Variants in CLASP1 observed in about 807,000 individuals in gnomAD.
CLASP1 encodes the protein cytoplasmic linker associated protein 1.
A neutral mutation model predicts 192.3 loss-of-function variants in CLASP1; 38 were observed. That is an observed-to-expected ratio of 0.20 (90% CI 0.15 to 0.26). The LOEUF is 0.26. Among genes scored for constraint, CLASP1 ranks in the 10% least tolerant of loss-of-function variants. CLASP1 has a pLI of 1.00. For missense variants in CLASP1, 1,433 were observed against 1,932.5 expected (o/e 0.74, Z 4.85); for synonymous variants, 691 against 712.8 (o/e 0.97, Z 0.49).
At chr2:121,597,559 A>G (rs1008895071) in intron 2 of CLASP1, among the ~76,000 whole-genome samples, 13 of 152,204 alleles carry the variant, frequency 8.5e-5, no homozygotes, top group African/African-American at 3.1e-4. Context: ...TTGTAGTGAA[A>G]CATAGCCTAG....
At chr2:121,495,426 T>G (rs2093489562) in intron 8 of CLASP1, among the ~76,000 whole-genome samples, 1 of 152,134 alleles carries the variant, frequency 6.6e-6, no homozygotes, top group East Asian at 1.9e-4. Context: ...TTTGGGAGGC[T>G]GAGGCGGGCA....
At chr2:121,430,972 A>T (rs2149650445) in intron 19 of CLASP1, among the ~76,000 whole-genome samples, 1 of 146,172 alleles carries the variant, frequency 6.8e-6, no homozygotes, top group African/African-American at 2.6e-5. Flanking sequence ...TAGCGATTAA[A>T]CTTTAAAAAA....
chr2:121,528,654 C>G, intron 4 of CLASP1, 23 bp downstream of exon 4: 1 of 1,609,560 alleles, frequency 6.2e-7, no homozygotes, highest in Non-Finnish European at 8.5e-7. Context: ...CAGCTGACCT[C>G]AAAACACATC....
At chr2:121,531,143 T>C (rs1224797964) in intron 2 of CLASP1, 5 of 616,882 alleles carry the variant, frequency 8.1e-6, no homozygotes, top group Admixed American at 2.5e-5. Context: ...TTTCAGTTTT[T>C]GCGGTGATTA....
At chr2:121,345,468 T>G (rs1160167398) in intron 39 of CLASP1, among the ~76,000 whole-genome samples, 1 of 152,220 alleles carries the variant, frequency 6.6e-6, no homozygotes, top group African/African-American at 2.4e-5. Context: ...CTCATGTTCT[T>G]TTTGGATGAA....
chr2:121,461,094 A>G lies in CLASP1; in HGVS notation c.1032+7T>C, dbSNP rs750256176. 6 of 1,547,768 alleles carry G rather than the reference A, an allele frequency of 3.9e-6. No homozygotes were observed. Among genetic ancestry groups the G allele is most frequent in the South Asian group, 3.5e-5 (3 of 84,734 alleles). On this transcript the variant is annotated splice_region_variant and intron_variant, in intron 11 of 39. Transcript: ENST00000263710. ...GAAAATGTAATCACATGAAGTCAAC[A>G]GCTTACAGCATTTACTCTCTGCTCC... is the stretch of plus-strand genomic sequence containing the variant.
intron 1 of CLASP1, among the ~76,000 whole-genome samples, chr2:121,620,079 G>C (rs551970154): frequency 6.6e-6 from 1 of 151,814 alleles, no homozygotes. Context: ...AAAAGTAGCC[G>C]GGAGTGGTGG....
intron 2 of CLASP1, among the ~76,000 whole-genome samples, chr2:121,582,935 GCCA>G (rs975934281): frequency 6.6e-6 from 1 of 151,920 alleles, no homozygotes; most frequent in African/African-American, 2.4e-5. Context: ...ACAGGTGCCT[GCCA>G]CCACACCTGG....
At chr2:121,407,945 G>C (rs1420963180) in intron 24 of CLASP1, 1 of 635,816 alleles carries the variant, frequency 1.6e-6, no homozygotes, top group Non-Finnish European at 2.9e-6. Flanking sequence ...ATGGCCTCTA[G>C]TAAAGTGCGT....
intron 19 of CLASP1, among the ~76,000 whole-genome samples, chr2:121,431,485 G>A (rs1464278755): frequency 6.6e-6 from 1 of 152,104 alleles, no homozygotes; most frequent in Non-Finnish European, 1.5e-5. Context: ...AAGCCTATGA[G>A]TGATGACCTC....
chr2:121,530,249 G>C, exon 3 of CLASP1: 1 of 1,551,314 alleles, frequency 6.4e-7, no homozygotes. Context: ...CAGCTCACCT[G>C]TGCCGATCTG....
exon 40 of CLASP1, chr2:121,340,412 G>C (rs1381489640): frequency 1.3e-5 from 2 of 156,938 alleles, no homozygotes; most frequent in Non-Finnish European, 2.8e-5. Context: ...CTGTGAAAGG[G>C]GCCCCACACA....
chr2:121,511,818 T>C (rs921144084), intron 7 of CLASP1, among the ~76,000 whole-genome samples: 1 of 152,188 alleles, frequency 6.6e-6, no homozygotes, highest in Non-Finnish European at 1.5e-5. Context: ...CTTATAAATC[T>C]AGTTGAATCT....
chr2:121,505,540 CT>C (rs1414904014), intron 7 of CLASP1, among the ~76,000 whole-genome samples: 1 of 152,226 alleles, frequency 6.6e-6, no homozygotes, highest in Non-Finnish European at 1.5e-5. Flanking sequence ...AATGAAAGGA[CT>C]GGTTTTTGTT....
At chr2:121,552,781 G>A (rs989044261) in intron 2 of CLASP1, among the ~76,000 whole-genome samples, 6 of 152,206 alleles carry the variant, frequency 3.9e-5, no homozygotes, top group African/African-American at 1.4e-4. Context: ...GAGCAGTCTG[G>A]CAATTCCTCA....
chr2:121,351,594 T>C (rs1412862083), intron 37 of CLASP1, among the ~76,000 whole-genome samples: 1 of 152,166 alleles, frequency 6.6e-6, no homozygotes, highest in East Asian at 1.9e-4. Flanking sequence ...CGCTAACTCC[T>C]TGCAGCCCTG....
intron 1 of CLASP1, among the ~76,000 whole-genome samples, chr2:121,634,257 A>G (rs7558771): frequency 0.18 from 27,063 of 152,178 alleles, 4,103 homozygotes; most frequent in African/African-American, 0.41. Context: ...GCCCTTAAAC[A>G]TAACAGCAAA....
chr2:121,387,185 G>A, exon 32 of CLASP1: 1 of 1,611,972 alleles, frequency 6.2e-7, no homozygotes, highest in Non-Finnish European at 8.5e-7. Context: ...CCTGCTGCTG[G>A]TGTGTCGGGA....
intron 2 of CLASP1, among the ~76,000 whole-genome samples, chr2:121,602,805 A>T (rs1172553926): frequency 6.6e-6 from 1 of 152,214 alleles, no homozygotes; most frequent in Non-Finnish European, 1.5e-5. Context: ...AGAAAAATCA[A>T]CTGTAAATGG....
Sources: allele counts gnomAD v4.1 joint callset (sites outside exome capture counted in the v4.1 genomes callset), GRCh38; gene constraint gnomAD v4.1.1; transcripts MANE v1.5; gene names NCBI Gene and HGNC (gene_info 2026-07-23, HGNC 2026-07-21).